The following PTBP2 variants were observed in gnomAD, a reference collection of about 807,000 sequenced individuals.
The protein encoded by PTBP2 is polypyrimidine tract binding protein 2.
PTBP2 carries 13 observed loss-of-function variants against 61.4 expected under a neutral mutation model. That is an observed-to-expected ratio of 0.21 (90% confidence interval 0.14 to 0.34). PTBP2 has a LOEUF of 0.34. Among genes scored for constraint, PTBP2 ranks in the 10% least tolerant of loss-of-function variants. The pLI is 1.00. For synonymous variants in PTBP2, 215 were observed against 218.5 expected (o/e 0.98, Z 0.14); for missense variants, 405 against 642.6 (o/e 0.63, Z 4.00).
Position 96,814,898 on chromosome 1 carries a change from CT to C in PTBP2, c.*1496del, listed in dbSNP as rs915892442. On this transcript the variant is annotated 3_prime_UTR_variant, in exon 14 of 14. Transcript: ENST00000674951. Reference sequence around the variant, plus strand: ...GTAGCTCTATATTCACCTTTTCTGTCTTTCTCTGCTGCCTTTTCTCTCTCCT... The same window carrying C: ...GTAGCTCTATATTCACCTTTTCTGTCTTCTCTGCTGCCTTTTCTCTCTCCT... 1 of 152,540 alleles carries C rather than the reference CT, an allele frequency of 6.6e-6. No homozygotes were observed. The highest frequency in any genetic ancestry group is 2.4e-5 in the African/African-American group (1 of 41,418). The allele number at this position is 152,540 out of a possible 1,614,324, so 9.4% of individuals were successfully genotyped here.
At chr1:96,762,547 A>AC (rs1263741102) in intron 3 of PTBP2, among the ~76,000 whole-genome samples, 1 of 126,922 alleles carries the variant, frequency 7.9e-6, no homozygotes, top group Non-Finnish European at 1.6e-5. Context: ...CTGGGGGCTG[A>AC]CCCCCCGACC....
chr1:96,799,153 A>G (rs1349721126), intron 8 of PTBP2, among the ~76,000 whole-genome samples: 1 of 152,182 alleles, frequency 6.6e-6, no homozygotes, highest in African/African-American at 2.4e-5. Context: ...GAGTCACTCA[A>G]AATGTCTGGG....
At chr1:96,750,004 T>A (rs1000284976) in intron 2 of PTBP2, among the ~76,000 whole-genome samples, 17 of 152,120 alleles carry the variant, frequency 1.1e-4, no homozygotes, top group African/African-American at 4.1e-4. Flanking sequence ...GTGTTGATAA[T>A]GAGCCAATAA....
At chr1:96,757,217 G>A (rs1655258358) in intron 3 of PTBP2, among the ~76,000 whole-genome samples, 2 of 152,156 alleles carry the variant, frequency 1.3e-5, no homozygotes. Flanking sequence ...CTGTCAATAC[G>A]AGGGTCAGGT....
chr1:96,760,101 T>TC (rs1053202862), intron 3 of PTBP2, among the ~76,000 whole-genome samples: 78 of 152,158 alleles, frequency 5.1e-4, no homozygotes, highest in African/African-American at 1.8e-3. Flanking sequence ...ACATGGGAAT[T>TC]CAAGAGGAGA....
chr1:96,741,107 T>A (rs897151929), intron 2 of PTBP2, among the ~76,000 whole-genome samples: 10 of 151,950 alleles, frequency 6.6e-5, no homozygotes, highest in Non-Finnish European at 1.5e-4. Flanking sequence ...TTAATTTTGC[T>A]GATCAAATGT....
chr1:96,740,932 A>G (rs530909831), intron 2 of PTBP2, among the ~76,000 whole-genome samples: 179 of 152,142 alleles, frequency 1.2e-3, no homozygotes, highest in African/African-American at 4.1e-3. Flanking sequence ...ATTAATATGC[A>G]TATTCTAACG....
intron 3 of PTBP2, among the ~76,000 whole-genome samples, chr1:96,755,774 G>A (rs547906154): frequency 6.6e-6 from 1 of 152,194 alleles, no homozygotes; most frequent in Non-Finnish European, 1.5e-5. Flanking sequence ...TAAAACTCTG[G>A]GAAATGCAAA....
chr1:96,765,594 C>T (rs1656589603), intron 3 of PTBP2, among the ~76,000 whole-genome samples: 1 of 151,964 alleles, frequency 6.6e-6, no homozygotes, highest in Non-Finnish European at 1.5e-5. Flanking sequence ...ACCTGAATTC[C>T]CAGCTACATG....
At chr1:96,799,381 G>A (rs894349707) in intron 8 of PTBP2, among the ~76,000 whole-genome samples, 3 of 137,994 alleles carry the variant, frequency 2.2e-5, no homozygotes, top group Admixed American at 1.6e-4. Context: ...CTGCAAACTC[G>A]GCCTCCCGGG....
intron 2 of PTBP2, among the ~76,000 whole-genome samples, chr1:96,726,915 G>C (rs1650638628): frequency 6.6e-6 from 1 of 152,002 alleles, no homozygotes; most frequent in South Asian, 2.1e-4. Context: ...TAGCTTTATT[G>C]AGATATAATT....
intron 2 of PTBP2, among the ~76,000 whole-genome samples, chr1:96,745,650 T>C (rs1653652561): frequency 1.3e-5 from 2 of 152,216 alleles, no homozygotes; most frequent in Non-Finnish European, 2.9e-5. Context: ...ATAATGATTC[T>C]AATAAATAGC....
chr1:96,754,752 G>A (rs1654965615), intron 3 of PTBP2, among the ~76,000 whole-genome samples: 1 of 152,126 alleles, frequency 6.6e-6, no homozygotes, highest in Admixed American at 6.5e-5. Context: ...CAATTCAGTG[G>A]AGAAAAAGTA....
chr1:96,814,191 T>C lies in PTBP2; in HGVS notation c.*786T>C, dbSNP rs1048254461. On this transcript the variant is annotated 3_prime_UTR_variant, in exon 14 of 14. Coordinates refer to ENST00000674951, the MANE Select transcript of PTBP2 (RefSeq NM_021190.4). ...AATGTCAGCACTAAGTAATGTCTTG[T>C]TTGTGGCTGAATATTTTTCGTAGAT... 2 of 152,524 alleles carry C rather than the reference T, an allele frequency of 1.3e-5. No individual in the cohort carries two copies. Among genetic ancestry groups the C allele is most frequent in the African/African-American group, 4.8e-5 (2 of 41,448 alleles). 9.4% of individuals were successfully genotyped at this position (152,524 alleles called of 1,614,324 possible). A position where few individuals can be genotyped will look rare whatever the true frequency, so the allele number is the denominator to read the frequency against.
intron 1 of PTBP2, among the ~76,000 whole-genome samples, chr1:96,722,485 G>A (rs1170691504): frequency 6.6e-6 from 1 of 150,866 alleles, no homozygotes; most frequent in East Asian, 2.0e-4. Flanking sequence ...GAGGGCAGAT[G>A]TCATACTCCT....
chr1:96,778,227 CT>C (rs1355116257), intron 7 of PTBP2, among the ~76,000 whole-genome samples: 3 of 144,486 alleles, frequency 2.1e-5, no homozygotes. Flanking sequence ...AAAAGCAGGA[CT>C]ATATTGTGAA....
chr1:96,770,642 A>C lies in PTBP2; in HGVS notation c.289-66A>C, dbSNP rs1657272994. The C allele has an allele frequency of 4.7e-6, 6 of 1,286,870 alleles. No individual in the cohort carries two copies. In the East Asian group the frequency reaches 7.6e-5, roughly 16 times the overall value. 79.7% of individuals were successfully genotyped at this position (1,286,870 alleles called of 1,614,324 possible). ...GATAATTGATTAAAATCATCTGAATAGATTGCTTAGATATTAATTTTATTT... is the reference window on the plus strand; with the variant it reads ...GATAATTGATTAAAATCATCTGAATCGATTGCTTAGATATTAATTTTATTT... On this transcript the variant is annotated intron_variant, in intron 4 of 13. Coordinates refer to ENST00000674951, the MANE Select transcript of PTBP2 (RefSeq NM_021190.4).
At chr1:96,750,559 T>G (rs1654411601) in intron 2 of PTBP2, among the ~76,000 whole-genome samples, 1 of 152,060 alleles carries the variant, frequency 6.6e-6, no homozygotes, top group Non-Finnish European at 1.5e-5. Flanking sequence ...TTAATTTGGA[T>G]TTTTTGGACT....
intron 11 of PTBP2, among the ~76,000 whole-genome samples, chr1:96,810,744 A>C (rs3791004): frequency 6.6e-6 from 1 of 152,158 alleles, no homozygotes; most frequent in East Asian, 1.9e-4. Context: ...AACACATTTT[A>C]TCTGAGGTAG....
Sources: gnomAD v4.1 joint callset for allele counts (sites outside exome capture counted in the v4.1 genomes callset) on GRCh38, gnomAD v4.1.1 for gene constraint, MANE v1.5 for transcripts, NCBI Gene and HGNC (gene_info 2026-07-23, HGNC 2026-07-21) for gene names.